BOC: variants seen among roughly 807,000 people sequenced by gnomAD.
The protein encoded by BOC is brother of CDO.
In BOC, 76 loss-of-function variants were observed where a neutral mutation model predicts 112.0. The observed-to-expected ratio is 0.68, with a 90% CI of 0.56 to 0.82. The LOEUF is 0.82. BOC is among the 40% of genes least tolerant of loss of function. The probability of loss-of-function intolerance (pLI) is 0.00; values close to 1 mark genes in which losing one functional copy is unlikely to be tolerated. For missense variants in BOC, 1,309 were observed against 1,511.7 expected (o/e 0.87, Z 2.22); for synonymous variants, 580 against 599.8 (o/e 0.97, Z 0.48).
At chr3:113,229,174 C>G in intron 2 of BOC, among the ~76,000 whole-genome samples, 1 of 152,170 alleles carries the variant, frequency 6.6e-6, no homozygotes, top group East Asian at 1.9e-4. Context: ...TTCGGGAAGG[C>G]CAGGAGCTAG....
At chr3:113,229,533 G>A (rs978618906) in intron 2 of BOC, among the ~76,000 whole-genome samples, 10 of 152,146 alleles carry the variant, frequency 6.6e-5, no homozygotes, top group South Asian at 2.1e-4. Flanking sequence ...TGTAGAGGCC[G>A]CCTTGGCCCC....
chr3:113,280,460 A>G (rs1393664481), intron 13 of BOC, 98 bp from the exon 14 acceptor site: 12 of 826,126 alleles, frequency 1.5e-5, no homozygotes, highest in Middle Eastern at 2.3e-4. Context: ...GTGAAATTCA[A>G]ACTCTGGACT....
In BOC at chr3:113,274,585, G is replaced by A. The variant is rs769031341; in HGVS notation, c.1445G>A (p.Arg482His). 5.6e-6 allele frequency: 9 copies of A among 1,613,516 alleles called. No homozygotes were observed. Among genetic ancestry groups the A allele is most frequent in the Admixed American group, 5.0e-5 (3 of 60,006 alleles). The change falls in exon 9 of 20, where the codon CGC (arginine) becomes CAC (histidine). Residue 482 changes from arginine to histidine, a missense_variant. By Grantham distance (29) the Arg-to-His change is conservative. Coordinates refer to ENST00000682979, the MANE Select transcript of BOC (RefSeq NM_001378074.1). This position sits in a 1 kb window ranked among gnomAD's most constrained non-coding sequence, Gnocchi z 4.8. ...GCTCCCATCATCCTCAGCTCGCCCC[G>A]CACCTCCAAGACAGACTCATATGAA... The part of the protein sequence containing the change: ...AEAPIILSSP[R>H]TSKTDSYELV...
At chr3:113,239,773 A>G (rs1028922320) in intron 2 of BOC, among the ~76,000 whole-genome samples, 1 of 152,228 alleles carries the variant, frequency 6.6e-6, no homozygotes, top group Non-Finnish European at 1.5e-5. Context: ...GAGTGCTCCA[A>G]GACTGGCTTG....
chr3:113,256,423 G>A (rs146560367), intron 4 of BOC, among the ~76,000 whole-genome samples: 115 of 152,274 alleles, frequency 7.6e-4, no homozygotes, highest in Middle Eastern at 3.4e-3. Flanking sequence ...AGTGTAGCCC[G>A]CAGAGCTGCT....
At chr3:113,268,069 C>T (rs1947696115) in intron 4 of BOC, among the ~76,000 whole-genome samples, 1 of 152,176 alleles carries the variant, frequency 6.6e-6, no homozygotes, top group African/African-American at 2.4e-5. Flanking sequence ...TCTCTCTGCA[C>T]CTTTCCCCAG....
chr3:113,276,196 C>T (rs1948650200), intron 9 of BOC, among the ~76,000 whole-genome samples: 1 of 152,202 alleles, frequency 6.6e-6, no homozygotes. Context: ...GAGAGCAAGA[C>T]TAATATTTTT....
Position 113,214,778 on chromosome 3 carries a change from A to G in BOC, c.-169-1409A>G, listed in dbSNP as rs12638736. On this transcript the variant is annotated intron_variant, in intron 1 of 19. Coordinates refer to ENST00000682979, the MANE Select transcript of BOC (RefSeq NM_001378074.1). ...ACTCTAACATATGTAACTTCTTGTC[A>G]TCTCCATACTTCAATTCAGCAAACA... 9.2e-3 allele frequency among the ~76,000 whole-genome samples: 1,399 copies of G among 152,322 alleles called. 15 individuals carry two copies. Among genetic ancestry groups the G allele is most frequent in the East Asian group, 0.051 (267 of 5,190 alleles).
intron 2 of BOC, among the ~76,000 whole-genome samples, chr3:113,235,433 G>T (rs1943294720): frequency 6.6e-6 from 1 of 152,082 alleles, no homozygotes; most frequent in African/African-American, 2.4e-5. Context: ...GGGATTATAG[G>T]GGTATGTTTT....
chr3:113,272,106 A>C, intron 6 of BOC: 1 of 436,284 alleles, frequency 2.3e-6, no homozygotes. Flanking sequence ...CTGCCTCTAC[A>C]CTCCCTCACC....
intron 2 of BOC, among the ~76,000 whole-genome samples, chr3:113,248,238 G>C (rs75683020): frequency 1.3e-5 from 2 of 152,278 alleles, no homozygotes; most frequent in East Asian, 3.9e-4. Flanking sequence ...AGGTTAATCC[G>C]AAGCACTTCC....
chr3:113,213,749 G>A (rs1455087799), intron 1 of BOC, among the ~76,000 whole-genome samples: 1 of 152,248 alleles, frequency 6.6e-6, no homozygotes, highest in Non-Finnish European at 1.5e-5. Flanking sequence ...CTTGGGGTCA[G>A]TGGGACAGAG....
intron 9 of BOC, among the ~76,000 whole-genome samples, chr3:113,275,070 G>T (rs1948521845): frequency 6.6e-6 from 1 of 152,206 alleles, no homozygotes. Context: ...GGTTTTTTAT[G>T]AAAGTAAGCC....
At chr3:113,230,399 C>T (rs1001993581) in intron 2 of BOC, among the ~76,000 whole-genome samples, 1 of 152,150 alleles carries the variant, frequency 6.6e-6, no homozygotes, top group Non-Finnish European at 1.5e-5. Flanking sequence ...TTCTTAATTC[C>T]TTTGTTGAAA....
intron 4 of BOC, among the ~76,000 whole-genome samples, chr3:113,258,064 G>A (rs1191447394): frequency 6.6e-6 from 1 of 152,192 alleles, no homozygotes; most frequent in African/African-American, 2.4e-5. Context: ...AGATTTTAAT[G>A]GGAGCTCGGA....
At chr3:113,224,347 G>T (rs548201619) in intron 2 of BOC, among the ~76,000 whole-genome samples, 1 of 152,288 alleles carries the variant, frequency 6.6e-6, no homozygotes, top group South Asian at 2.1e-4. Flanking sequence ...GCAAAGAAGT[G>T]CCTCTTTCTT....
At chr3:113,250,428 A>C in intron 3 of BOC, 127 bp from the exon 4 acceptor site, 2 of 1,046,566 alleles carry the variant, frequency 1.9e-6, no homozygotes, top group South Asian at 3.2e-5. Context: ...AGAGCAGTAG[A>C]GTCGGAGAAA....
chr3:113,223,929 T>C (rs544864724), intron 2 of BOC, among the ~76,000 whole-genome samples: 4 of 152,382 alleles, frequency 2.6e-5, no homozygotes, highest in Non-Finnish European at 4.4e-5. Flanking sequence ...CTGGCGCTAC[T>C]GGAGTTTAGC....
Position 113,284,423 on chromosome 3 carries a change from C to T in BOC, c.2745C>T (p.His915=). The T allele has an allele frequency of 2.5e-6, 4 of 1,614,268 alleles. No individual in the cohort carries two copies. Among genetic ancestry groups the T allele is most frequent in the Non-Finnish European group, 2.5e-6 (3 of 1,180,044 alleles). The change falls in exon 17 of 20, where the codon CAC becomes CAT. Residue 915 remains histidine (H), a synonymous_variant. Transcript: ENST00000682979. ...TGCCATTGGGAGGACTCCCAGGCCA[C>T]CAGGCCAGTGGACAGCCCTACCTCA... ...TMVPLGGLPG[H]QASGQPYLSG...
Sources: gnomAD v4.1 joint callset for allele counts (sites outside exome capture counted in the v4.1 genomes callset) on GRCh38, gnomAD v4.1.1 for gene constraint, Gnocchi (gnomAD v3.1) non-coding constraint, MANE v1.5 for transcripts, NCBI Gene and HGNC (gene_info 2026-07-23, HGNC 2026-07-21) for gene names.